Variants in DOCK1 observed in about 807,000 individuals in gnomAD.
DOCK1 encodes the protein dedicator of cytokinesis protein 1.
A neutral mutation model predicts 262.7 loss-of-function variants in DOCK1; 138 were observed. The observed-to-expected ratio is 0.53, with a 90% CI of 0.46 to 0.61. The LOEUF (loss-of-function observed/expected upper bound fraction) is 0.61, where lower values mean the gene tolerates loss of function less well. Ranked by LOEUF, DOCK1 falls within the 20% of genes least tolerant of loss-of-function variation. The probability of loss-of-function intolerance (pLI) is 0.00; values close to 1 mark genes in which losing one functional copy is unlikely to be tolerated. For synonymous variants in DOCK1, 866 were observed against 867.4 expected (o/e 1.00, Z 0.03); for missense variants, 1,908 against 2,370.7 (o/e 0.80, Z 4.05).
intron 42 of DOCK1, among the ~76,000 whole-genome samples, chr10:127,409,924 C>G (rs969602962): frequency 6.6e-6 from 1 of 152,170 alleles, no homozygotes; most frequent in African/African-American, 2.4e-5. Context: ...AGTCAACTGT[C>G]CATATTTGAG....
chr10:127,418,549 A>T lies in DOCK1; in HGVS notation c.4692+8A>T, dbSNP rs1440936957. ...TTCGCAAACTACGAAAAGGTACGGGACCCACCAGCTTGCTCTGGGCAAGCA... is the reference window on the plus strand; with the variant it reads ...TTCGCAAACTACGAAAAGGTACGGGTCCCACCAGCTTGCTCTGGGCAAGCA... On this transcript the variant is annotated splice_region_variant and intron_variant, in intron 45 of 51. Transcript: ENST00000623213. 1.9e-6 allele frequency: 3 copies of T among 1,610,508 alleles called. No individual in the cohort carries two copies. Among genetic ancestry groups the T allele is most frequent in the African/African-American group, 2.7e-5 (2 of 74,856 alleles).
At chr10:127,022,421 C>G (rs2042499582) in intron 13 of DOCK1, among the ~76,000 whole-genome samples, 1 of 152,054 alleles carries the variant, frequency 6.6e-6, no homozygotes, top group Non-Finnish European at 1.5e-5. Flanking sequence ...TGTTGGCGTG[C>G]TGCACCCATT....
intron 10 of DOCK1, chr10:127,007,331 A>T (rs1309498820): frequency 6.6e-6 from 1 of 152,068 alleles, no homozygotes; most frequent in African/African-American, 2.4e-5. Context: ...GAGGGTGGTG[A>T]TGGTGATGGT....
chr10:127,296,197 T>C (rs2061499049), intron 29 of DOCK1, among the ~76,000 whole-genome samples: 1 of 152,234 alleles, frequency 6.6e-6, no homozygotes, highest in Non-Finnish European at 1.5e-5. Flanking sequence ...TGCCATTCGA[T>C]TTTGTTATCG....
intron 1 of DOCK1, among the ~76,000 whole-genome samples, chr10:126,941,721 C>G (rs935806170): frequency 3.3e-5 from 5 of 151,868 alleles, no homozygotes; most frequent in Non-Finnish European, 7.4e-5. Flanking sequence ...TGCCACTGCA[C>G]TCCAGCCTGG....
chr10:127,165,152 C>A (rs1301647962), intron 27 of DOCK1, among the ~76,000 whole-genome samples: 2 of 152,190 alleles, frequency 1.3e-5, no homozygotes, highest in South Asian at 4.1e-4. Context: ...AATTTGAAAG[C>A]ATTAATGTTG....
chr10:126,965,779 A>G (rs917897705), intron 1 of DOCK1, among the ~76,000 whole-genome samples: 4 of 152,264 alleles, frequency 2.6e-5, no homozygotes, highest in Admixed American at 2.0e-4. Flanking sequence ...TAATAATTGT[A>G]TGTATTTATG....
In DOCK1 at chr10:127,081,935, G is replaced by A. The variant is rs557425625; in HGVS notation, c.2445+20159G>A. Reference sequence around the variant, plus strand: ...GCCACCCCAGTGATCTCCCTTTGCTGGCCCCTGGCGATGCTCATACATGTG... The same window carrying A: ...GCCACCCCAGTGATCTCCCTTTGCTAGCCCCTGGCGATGCTCATACATGTG... On this transcript the variant is annotated intron_variant, in intron 23 of 51. Transcript: ENST00000623213. Among the ~76,000 whole-genome samples, 16 of 152,220 alleles carry A rather than the reference G, an allele frequency of 1.1e-4. No individual in the cohort carries two copies. In the South Asian group the frequency reaches 2.3e-3, roughly 22 times the overall value.
intron 27 of DOCK1, among the ~76,000 whole-genome samples, chr10:127,140,037 C>A (rs2051074196): frequency 6.6e-6 from 1 of 152,088 alleles, no homozygotes; most frequent in South Asian, 2.1e-4. Context: ...CGTAATTCTA[C>A]CAAGGTGCTT....
At chr10:127,311,550 T>C (rs1378802927) in intron 29 of DOCK1, among the ~76,000 whole-genome samples, 1 of 152,232 alleles carries the variant, frequency 6.6e-6, no homozygotes, top group Non-Finnish European at 1.5e-5. Context: ...ATTAGGGATG[T>C]TCAGCCTATA....
At chr10:127,222,628 TTTGTGTTGTGTTGTGTTGTGTTGTG>T (rs71032542) in intron 27 of DOCK1, among the ~76,000 whole-genome samples, 24 of 145,648 alleles carry the variant, frequency 1.6e-4, no homozygotes, top group African/African-American at 4.6e-4. Context: ...GTGTTTTTGT[TTTGTGTTGTGTTGTGTTGTGTTGTG>T]TTGTGTTGTG....
At chr10:127,188,505 T>G (rs2056477750) in intron 27 of DOCK1, among the ~76,000 whole-genome samples, 1 of 152,202 alleles carries the variant, frequency 6.6e-6, no homozygotes, top group Non-Finnish European at 1.5e-5. Flanking sequence ...GACCAGTCAT[T>G]CGTACATTGA....
chr10:127,141,681 A>AC (rs1554894446), intron 27 of DOCK1, among the ~76,000 whole-genome samples: 44 of 150,458 alleles, frequency 2.9e-4, no homozygotes, highest in Admixed American at 1.7e-3. Flanking sequence ...TAAAACAAAA[A>AC]AAAAAAAAAA....
At chr10:126,936,860 A>G (rs1354277519) in intron 1 of DOCK1, among the ~76,000 whole-genome samples, 1 of 152,206 alleles carries the variant, frequency 6.6e-6, no homozygotes, top group African/African-American at 2.4e-5. Context: ...AAGGACATTC[A>G]TGTTGTGCAA....
At chr10:127,153,243 TC>T (rs796077392) in intron 27 of DOCK1, among the ~76,000 whole-genome samples, 1 of 152,350 alleles carries the variant, frequency 6.6e-6, no homozygotes, top group African/African-American at 2.4e-5. Flanking sequence ...TATCTTAAAA[TC>T]CTAAATTACT....
chr10:127,208,474 A>G (rs1333777676), intron 27 of DOCK1, among the ~76,000 whole-genome samples: 1 of 152,212 alleles, frequency 6.6e-6, no homozygotes. Flanking sequence ...GATGGTTTCC[A>G]AACAATTGAG....
Position 127,380,009 on chromosome 10 carries a change from G to C in DOCK1, c.3676-73G>C, listed in dbSNP as rs185434240. 56 of 1,060,816 alleles carry C rather than the reference G, an allele frequency of 5.3e-5. No homozygotes were observed. The East Asian group carries it at 1.2e-3, about 23-fold the overall frequency. 65.7% of individuals were successfully genotyped at this position (1,060,816 alleles called of 1,614,324 possible). ...TGTTTGACACAAGATGAAGTATCTT[G>C]AATTTTTATTGTGCATGTGATACCT... On this transcript the variant is annotated intron_variant, in intron 35 of 51. Coordinates refer to ENST00000623213, the MANE Select transcript of DOCK1 (RefSeq NM_001290223.2).
At position 127,410,848 on chromosome 10, in the gene DOCK1, G is replaced by C; in HGVS notation, c.4352G>C (p.Arg1451Thr). The change falls in exon 43 of 52, where the codon AGG becomes ACG. Residue 1451 changes from arginine to threonine, a missense_variant. Physicochemically the swap from Arg to Thr is moderately conservative, Grantham distance 71. Transcript: ENST00000623213. ...PVSEQIVSFYRVNEVQRFEYS... is the reference protein window; with the variant it reads ...PVSEQIVSFYTVNEVQRFEYS... ...TGTCTGTCTCTGTACAGTTTTTACA[G>C]GGTGAACGAGGTCCAGCGATTTGAA... The C allele has an allele frequency of 1.2e-6, 2 of 1,613,824 alleles. No homozygotes were observed. Among genetic ancestry groups the C allele is most frequent in the Non-Finnish European group, 1.7e-6 (2 of 1,179,848 alleles).
chr10:127,436,388 C>T (rs2069687552), intron 48 of DOCK1, among the ~76,000 whole-genome samples: 1 of 152,064 alleles, frequency 6.6e-6, no homozygotes, highest in Non-Finnish European at 1.5e-5. Flanking sequence ...TGTGGTGGTG[C>T]ATGCCTGTAG....
Sources: gnomAD v4.1 joint callset for allele counts (sites outside exome capture counted in the v4.1 genomes callset) on GRCh38, gnomAD v4.1.1 for gene constraint, MANE v1.5 for transcripts, NCBI Gene and HGNC (gene_info 2026-07-23, HGNC 2026-07-21) for gene names.